XKR4: variants seen among roughly 807,000 people sequenced by gnomAD.
XKR4 encodes the protein XK-related protein 4.
XKR4 carries 12 observed loss-of-function variants against 53.9 expected under a neutral mutation model. That is an observed-to-expected ratio of 0.22 (90% confidence interval 0.14 to 0.36). The LOEUF is 0.36. XKR4 is among the 10% of genes least tolerant of loss of function. XKR4 has a pLI of 1.00. For missense variants in XKR4, 799 were observed against 859.5 expected, an observed-to-expected ratio of 0.93 and a Z score of 0.88; for synonymous variants, 354 against 362.4, an observed-to-expected ratio of 0.98 and a Z score of 0.26.
chr8:55,441,275 G>T (rs889778508), intron 2 of XKR4, among the ~76,000 whole-genome samples: 11 of 151,768 alleles, frequency 7.2e-5, no homozygotes, highest in African/African-American at 2.7e-4. Flanking sequence ...ACAGCACATT[G>T]TCAGTGATAG....
At chr8:55,489,594 T>A (rs949822422) in intron 2 of XKR4, among the ~76,000 whole-genome samples, 2 of 152,046 alleles carry the variant, frequency 1.3e-5, no homozygotes, top group African/African-American at 2.4e-5. Flanking sequence ...ACACTTTTGT[T>A]ATTTAAAAAA....
intron 1 of XKR4, among the ~76,000 whole-genome samples, chr8:55,258,664 C>T (rs1046924566): frequency 6.6e-6 from 1 of 152,130 alleles, no homozygotes; most frequent in Non-Finnish European, 1.5e-5. Flanking sequence ...ATTATTTAAA[C>T]AGATTTGATT....
At chr8:55,120,579 T>G (rs1695761212) in intron 1 of XKR4, among the ~76,000 whole-genome samples, 1 of 140,760 alleles carries the variant, frequency 7.1e-6, no homozygotes. Context: ...TGGGAAGTTT[T>G]CGGTTTACAG....
intron 2 of XKR4, among the ~76,000 whole-genome samples, chr8:55,446,825 ATAGCCACT>A (rs1344149573): frequency 1.3e-5 from 2 of 152,228 alleles, no homozygotes; most frequent in African/African-American, 4.8e-5. Flanking sequence ...ATCCAAGGAA[ATAGCCACT>A]TAGGTCAATG....
chr8:55,334,747 G>T (rs970489837), intron 1 of XKR4, among the ~76,000 whole-genome samples: 1 of 152,154 alleles, frequency 6.6e-6, no homozygotes, highest in Non-Finnish European at 1.5e-5. Context: ...TAATGTGTGG[G>T]CCATTGCTAG....
chr8:55,116,037 T>G (rs1030551783), intron 1 of XKR4, among the ~76,000 whole-genome samples: 1 of 152,012 alleles, frequency 6.6e-6, no homozygotes, highest in African/African-American at 2.4e-5. Flanking sequence ...AGTGAAGAGC[T>G]CTGACCAAGA....
At chr8:55,298,163 A>G (rs1819126998) in intron 1 of XKR4, among the ~76,000 whole-genome samples, 1 of 152,148 alleles carries the variant, frequency 6.6e-6, no homozygotes, top group Non-Finnish European at 1.5e-5. Flanking sequence ...AATCTCTCAC[A>G]TTTGCTCAAC....
Position 55,533,153 on chromosome 8 carries a change from T to C in XKR4, c.*8926T>C, listed in dbSNP as rs1170643051. On this transcript the variant is annotated 3_prime_UTR_variant, in exon 3 of 3. Coordinates refer to ENST00000327381, the MANE Select transcript of XKR4 (RefSeq NM_052898.2). ...AATTCCTATTTTGATCGCACACCAG[T>C]AGAACGCATCTTAACACCAGCATTG... 6.6e-6 allele frequency: 1 copy of C among 152,226 alleles called. No individual in the cohort carries two copies. The highest frequency in any genetic ancestry group is 1.5e-5 in the Non-Finnish European group (1 of 68,046). The allele number at this position is 152,226 out of a possible 1,614,324, so 9.4% of individuals were successfully genotyped here.
At chr8:55,361,506 T>A (rs886196184) in intron 2 of XKR4, among the ~76,000 whole-genome samples, 2 of 152,176 alleles carry the variant, frequency 1.3e-5, no homozygotes, top group East Asian at 1.9e-4. Flanking sequence ...TCGTTTCACC[T>A]CATTTCTACT....
chr8:55,255,931 G>A (rs1818433409), intron 1 of XKR4, among the ~76,000 whole-genome samples: 2 of 151,602 alleles, frequency 1.3e-5, no homozygotes, highest in African/African-American at 4.9e-5. Context: ...AATAGTACAA[G>A]AGACACATCG....
chr8:55,375,975 C>T (rs767861233), intron 2 of XKR4, among the ~76,000 whole-genome samples: 14 of 152,060 alleles, frequency 9.2e-5, no homozygotes, highest in Non-Finnish European at 1.9e-4. Flanking sequence ...TGAGAACATG[C>T]GGTGTTTGGT....
chr8:55,525,074 C>T lies in XKR4; in HGVS notation c.*847C>T, dbSNP rs988046078. The T allele has an allele frequency of 1.3e-5, 2 of 152,538 alleles. No homozygotes were observed. The highest frequency in any genetic ancestry group is 4.8e-5 in the African/African-American group (2 of 41,410). The allele number at this position is 152,538 out of a possible 1,614,324, so 9.4% of individuals were successfully genotyped here. On this transcript the variant is annotated 3_prime_UTR_variant, in exon 3 of 3. Coordinates refer to ENST00000327381, the MANE Select transcript of XKR4 (RefSeq NM_052898.2). ...CACAAAGAGGAAGTGGGGAAAAAGG[C>T]AAAATGAGAGTCTGATTCCCAGGCA...
intron 2 of XKR4, chr8:55,453,922 C>A: frequency 1.6e-6 from 1 of 641,078 alleles, no homozygotes; most frequent in South Asian, 1.5e-5. Flanking sequence ...CCATGCCCTC[C>A]AGCACATTCA....
At chr8:55,359,603 A>G (rs1039446911) in intron 2 of XKR4, among the ~76,000 whole-genome samples, 1 of 152,204 alleles carries the variant, frequency 6.6e-6, no homozygotes, top group Non-Finnish European at 1.5e-5. Flanking sequence ...AAAATCCAGG[A>G]GCACACGTGG....
intron 2 of XKR4, chr8:55,452,279 G>T: frequency 1.5e-6 from 1 of 650,940 alleles, no homozygotes; most frequent in Non-Finnish European, 2.8e-6. Flanking sequence ...AAGGGGTCTG[G>T]ATGCTGATGC....
chr8:55,259,453 G>A (rs2129370891), intron 1 of XKR4, among the ~76,000 whole-genome samples: 1 of 152,302 alleles, frequency 6.6e-6, no homozygotes, highest in South Asian at 2.1e-4. Context: ...TACAGAGAAT[G>A]ACGGAGAGTG....
chr8:55,463,677 G>A (rs1366246343), intron 2 of XKR4, among the ~76,000 whole-genome samples: 3 of 152,074 alleles, frequency 2.0e-5, no homozygotes, highest in African/African-American at 7.3e-5. Flanking sequence ...AAAAATCAAT[G>A]AATCCAGGAG....
intron 1 of XKR4, among the ~76,000 whole-genome samples, chr8:55,142,847 A>G (rs1251626232): frequency 1.3e-5 from 2 of 152,256 alleles, no homozygotes; most frequent in African/African-American, 2.4e-5. Context: ...CTCCAGGAGC[A>G]TCTACAGAAT....
chr8:55,132,381 C>T (rs1816568071), intron 1 of XKR4, among the ~76,000 whole-genome samples: 1 of 152,182 alleles, frequency 6.6e-6, no homozygotes, highest in Non-Finnish European at 1.5e-5. Context: ...TAGTACCAAA[C>T]CGTATATATA....
Sources: gnomAD v4.1 joint callset for allele counts (sites outside exome capture counted in the v4.1 genomes callset) on GRCh38, gnomAD v4.1.1 for gene constraint, MANE v1.5 for transcripts, NCBI Gene and HGNC (gene_info 2026-07-23, HGNC 2026-07-21) for gene names.